The following ABCD2 variants were observed in gnomAD, a reference collection of about 807,000 sequenced individuals.
The protein encoded by ABCD2 is ATP-binding cassette sub-family D member 2.
In ABCD2, 36 loss-of-function variants were observed where a neutral mutation model predicts 70.9. The observed-to-expected ratio is 0.51, with a 90% CI of 0.39 to 0.67. ABCD2 has a LOEUF of 0.67. Ranked by LOEUF, ABCD2 falls within the 30% of genes least tolerant of loss-of-function variation. The pLI is 0.00. For missense variants in ABCD2, 729 were observed against 890.2 expected, an observed-to-expected ratio of 0.82 and a Z score of 2.30; for synonymous variants, 304 against 306.9, an observed-to-expected ratio of 0.99 and a Z score of 0.10.
Position 39,553,217 on chromosome 12 carries a change from G to T in ABCD2, c.*695C>A, listed in dbSNP as rs1173589747. ...GTTTGGATACTCCTTTTCTGTATTG[G>T]CAATTCTCTTTTTAAAATGAAAGGA... On this transcript the variant is annotated 3_prime_UTR_variant, in exon 10 of 10. Transcript: ENST00000308666. 6.6e-6 allele frequency: 1 copy of T among 151,792 alleles called. No homozygotes were observed. The allele number at this position is 151,792 out of a possible 1,614,324, so 9.4% of individuals were successfully genotyped here.
intron 3 of ABCD2, among the ~76,000 whole-genome samples, chr12:39,606,529 T>C (rs1021981792): frequency 3.3e-5 from 5 of 152,268 alleles, no homozygotes; most frequent in Admixed American, 1.3e-4. Flanking sequence ...AATAAAATTT[T>C]GATTTGTCAT....
chr12:39,606,839 G>A (rs2120743274), intron 3 of ABCD2, among the ~76,000 whole-genome samples: 1 of 152,238 alleles, frequency 6.6e-6, no homozygotes, highest in Middle Eastern at 3.4e-3. Context: ...GTATCTGCAG[G>A]TCTTATTACT....
chr12:39,607,745 GTT>G (rs58771682), intron 2 of ABCD2, 31 bp from the exon 3 acceptor site: 10,739 of 771,576 alleles, frequency 0.014, 16 homozygotes, highest in Middle Eastern at 0.02. Flanking sequence ...CAAAACTTGA[GTT>G]TTTTTTTTTT....
chr12:39,534,697 A>AGGAG, the ABCD2 span, among the ~76,000 whole-genome samples: 14 of 49,246 alleles, frequency 2.8e-4, no homozygotes, highest in African/African-American at 9.6e-4. Context: ...GAAGGAAGGA[A>AGGAG]GGACGGAAGG....
chr12:39,584,603 C>G (rs981317156), intron 7 of ABCD2, among the ~76,000 whole-genome samples: 1 of 152,102 alleles, frequency 6.6e-6, no homozygotes, highest in South Asian at 2.1e-4. Flanking sequence ...GTTTCCATGT[C>G]CAGGATAGTT....
At chr12:39,577,945 G>C in intron 8 of ABCD2, among the ~76,000 whole-genome samples, 1 of 152,002 alleles carries the variant, frequency 6.6e-6, no homozygotes, top group East Asian at 1.9e-4. Context: ...GTAATTAAAG[G>C]CTTTTAAAAA....
chr12:39,574,653 C>G (rs1390731733), intron 8 of ABCD2, among the ~76,000 whole-genome samples: 1 of 152,068 alleles, frequency 6.6e-6, no homozygotes, highest in African/African-American at 2.4e-5. Context: ...TTAATGGGAA[C>G]AAAGTCAACT....
At chr12:39,532,504 C>T in the ABCD2 span, among the ~76,000 whole-genome samples, 2 of 152,118 alleles carry the variant, frequency 1.3e-5, no homozygotes, top group Non-Finnish European at 2.9e-5. Context: ...GGCACTCATG[C>T]ATTACTGTAG....
chr12:39,566,758 G>T (rs1444344664), intron 9 of ABCD2, among the ~76,000 whole-genome samples: 1 of 152,098 alleles, frequency 6.6e-6, no homozygotes, highest in African/African-American at 2.4e-5. Flanking sequence ...GCTTTCTGTT[G>T]TGGGCATTTA....
intron 9 of ABCD2, among the ~76,000 whole-genome samples, chr12:39,572,497 T>C (rs2120589924): frequency 6.6e-6 from 1 of 152,302 alleles, no homozygotes; most frequent in East Asian, 1.9e-4. Context: ...AGTATATTTT[T>C]TAAAAATTCT....
intron 9 of ABCD2, among the ~76,000 whole-genome samples, chr12:39,568,068 T>A (rs1941384950): frequency 1.3e-5 from 2 of 152,122 alleles, no homozygotes; most frequent in African/African-American, 4.8e-5. Flanking sequence ...ATTTTTTCCT[T>A]CATTTCAACT....
intron 3 of ABCD2, among the ~76,000 whole-genome samples, chr12:39,606,094 C>A (rs1389100852): frequency 6.6e-6 from 1 of 151,992 alleles, no homozygotes; most frequent in Non-Finnish European, 1.5e-5. Flanking sequence ...GAAACCTGGG[C>A]AAATATAAAT....
chr12:39,569,411 A>C (rs147221802), intron 9 of ABCD2, among the ~76,000 whole-genome samples: 5,135 of 152,322 alleles, frequency 0.034, 105 homozygotes, highest in Middle Eastern at 0.048. Flanking sequence ...CCGTGGGCAT[A>C]GTACCCTCCG....
At chr12:39,607,180 T>C (rs1179064193) in intron 3 of ABCD2, among the ~76,000 whole-genome samples, 1 of 152,222 alleles carries the variant, frequency 6.6e-6, no homozygotes, top group Admixed American at 6.5e-5. Context: ...TTTCTACATG[T>C]ATCAACTCAC....
At chr12:39,614,498 C>CT (rs1942089223) in intron 2 of ABCD2, among the ~76,000 whole-genome samples, 1 of 151,898 alleles carries the variant, frequency 6.6e-6, no homozygotes, top group Non-Finnish European at 1.5e-5. Context: ...TTTTTCCCCC[C>CT]TCTACTTCAC....
intron 7 of ABCD2, 23 bp downstream of exon 7, chr12:39,586,129 T>C (rs745487817): frequency 2.5e-6 from 4 of 1,586,018 alleles, no homozygotes; most frequent in Non-Finnish European, 3.4e-6. Flanking sequence ...TTAAATGCAT[T>C]AGAAAAGAAT....
At chr12:39,568,933 A>G (rs924850361) in intron 9 of ABCD2, among the ~76,000 whole-genome samples, 29 of 152,212 alleles carry the variant, frequency 1.9e-4, no homozygotes, top group African/African-American at 6.3e-4. Context: ...TGGAGGCTGC[A>G]GAACAGCAAA....
chr12:39,608,360 T>C (rs182291985), intron 2 of ABCD2, among the ~76,000 whole-genome samples: 25 of 152,252 alleles, frequency 1.6e-4, no homozygotes, highest in Admixed American at 3.9e-4. Flanking sequence ...CCCTTTCCAC[T>C]TGGACTCCCT....
intron 7 of ABCD2, among the ~76,000 whole-genome samples, chr12:39,585,584 AAG>A (rs1381036097): frequency 6.6e-6 from 1 of 152,144 alleles, no homozygotes; most frequent in African/African-American, 2.4e-5. Context: ...TAAACACAGA[AAG>A]AGTATTATTA....
Sources: allele counts gnomAD v4.1 joint callset (sites outside exome capture counted in the v4.1 genomes callset), GRCh38; gene constraint gnomAD v4.1.1; transcripts MANE v1.5; gene names NCBI Gene and HGNC (gene_info 2026-07-23, HGNC 2026-07-21).